Variants in AP1M1 observed in about 807,000 individuals in gnomAD.
The protein encoded by AP1M1 is AP-1 complex subunit mu-1.
AP1M1 carries 18 observed loss-of-function variants against 57.1 expected under a neutral mutation model. The observed-to-expected ratio is 0.32, with a 90% confidence interval of 0.22 to 0.47. The LOEUF (loss-of-function observed/expected upper bound fraction) is 0.47. Ranked by LOEUF, AP1M1 falls within the 20% of genes least tolerant of loss-of-function variation. The probability of loss-of-function intolerance (pLI) is 1.00; values close to 1 mark genes in which losing one functional copy is unlikely to be tolerated. For missense variants in AP1M1, 362 were observed against 593.5 expected (o/e 0.61, Z 4.05); for synonymous variants, 241 against 237.9 (o/e 1.01, Z -0.12).
chr19:16,232,527 G>C (rs1277399725), intron 9 of AP1M1, among the ~76,000 whole-genome samples: 1 of 152,230 alleles, frequency 6.6e-6, no homozygotes, highest in East Asian at 1.9e-4. Context: ...CTCGCTGCCT[G>C]CTTTACCAGT....
intron 5 of AP1M1, among the ~76,000 whole-genome samples, chr19:16,212,549 T>C (rs2091499809): frequency 6.6e-6 from 1 of 152,172 alleles, no homozygotes; most frequent in Non-Finnish European, 1.5e-5. Context: ...AAACACCAGC[T>C]CCTGGCTTAC....
At chr19:16,208,241 G>A in intron 4 of AP1M1, 92 bp downstream of exon 4, 2 of 1,396,326 alleles carry the variant, frequency 1.4e-6, no homozygotes, top group Non-Finnish European at 1.9e-6. Context: ...GCAAATTTGT[G>A]TTCATGTTGT....
At chr19:16,223,242 G>A (rs111668321) in intron 5 of AP1M1, among the ~76,000 whole-genome samples, 97 of 152,296 alleles carry the variant, frequency 6.4e-4, no homozygotes, top group Non-Finnish European at 1.1e-3. Context: ...TCTCCTGGGC[G>A]TGCACTGCCC....
At position 16,226,468 on chromosome 19, in the gene AP1M1, C is replaced by T; in HGVS notation, c.594C>T (p.Ile198=). ...NVLRSEIVGS[I]KMRVFLSGMP... is the part of the protein sequence containing the mutation. ...TGCGCAGCGAGATCGTGGGCTCCAT[C>T]AAGATGCGAGTCTTCCTCTCGGGCA... Residue 198 remains isoleucine (I), a synonymous_variant, in exon 6 of 12, where the codon ATC becomes ATT. Transcript: ENST00000291439. 6.3e-7 allele frequency: 1 copy of T among 1,578,812 alleles called. No homozygotes were observed.
intron 1 of AP1M1, among the ~76,000 whole-genome samples, chr19:16,200,559 C>T (rs927171576): frequency 2.0e-5 from 3 of 152,186 alleles, no homozygotes; most frequent in Non-Finnish European, 2.9e-5. Context: ...TCTTATTCCA[C>T]GACCCACGGA....
chr19:16,234,837 C>T lies in AP1M1; in HGVS notation c.*402C>T, dbSNP rs79527189. The T allele has an allele frequency of 0.01, 3,422 of 326,356 alleles. 79 individuals carry two copies. Among genetic ancestry groups the T allele is most frequent in the African/African-American group, 0.058 (2,774 of 47,878 alleles). 20.2% of individuals were successfully genotyped at this position (326,356 alleles called of 1,614,324 possible). A position where few individuals can be genotyped will look rare whatever the true frequency, so the allele number is the denominator to read the frequency against. ...AGCCTCGCCAGGCCAGCAGGGGCGT[C>T]GTTTTGTTGCCATTTTGTTGAACGT... On this transcript the variant is annotated 3_prime_UTR_variant, in exon 12 of 12. Coordinates refer to ENST00000291439, the MANE Select transcript of AP1M1 (RefSeq NM_032493.4).
At position 16,245,297 on chromosome 19, in the gene AP1M1, T is replaced by G. The variant is rs924443921; in HGVS notation, c.*10862T>G. The G allele has an allele frequency of 7.2e-5, 11 of 152,142 alleles. No homozygotes were observed. Among genetic ancestry groups the G allele is most frequent in the African/African-American group, 2.7e-4 (11 of 41,374 alleles). The allele number at this position is 152,142 out of a possible 1,614,324, so 9.4% of individuals were successfully genotyped here. ...TTGCTTTTCTTCTTTGTTTTGTTTT[T>G]TTGAGACAGAGTCTCACTCTGTCGC... On this transcript the variant is annotated 3_prime_UTR_variant, in exon 12 of 12. Transcript: ENST00000291439.
intron 5 of AP1M1, among the ~76,000 whole-genome samples, chr19:16,224,692 C>T (rs1323622066): frequency 1.3e-5 from 2 of 152,242 alleles, no homozygotes; most frequent in African/African-American, 4.8e-5. Context: ...CATTCACGAC[C>T]TCATGTGTTC....
rs1275179222 is a variant in AP1M1, at chr19:16,240,882, C to G, written c.*6447C>G. 6.6e-6 allele frequency: 1 copy of G among 152,202 alleles called. No homozygotes were observed. Among genetic ancestry groups the G allele is most frequent in the Non-Finnish European group, 1.5e-5 (1 of 68,040 alleles). The allele number at this position is 152,202 out of a possible 1,614,324, so 9.4% of individuals were successfully genotyped here. ...GACTCAGGGAAGATCCTAACAGCAA[C>G]ACTAAGAGATTAAAATGTCTCTCCA... On this transcript the variant is annotated 3_prime_UTR_variant, in exon 12 of 12. Coordinates refer to ENST00000291439, the MANE Select transcript of AP1M1 (RefSeq NM_032493.4).
rs1439286296 is a variant in AP1M1 at position 16,241,436 on chromosome 19, G to T, written c.*7001G>T. 9 of 152,126 alleles carry T rather than the reference G, an allele frequency of 5.9e-5. No homozygotes were observed. The highest frequency in any genetic ancestry group is 5.9e-4 in the Admixed American group (9 of 15,246). 9.4% of individuals were successfully genotyped at this position (152,126 alleles called of 1,614,324 possible). A position where few individuals can be genotyped will look rare whatever the true frequency, so the allele number is the denominator to read the frequency against. On this transcript the variant is annotated 3_prime_UTR_variant, in exon 12 of 12. Transcript: ENST00000291439. Reference sequence around the variant, plus strand: ...TGCCGGAAAACCTTAGAAACCATTGGATCTGTCTAAACTGTCATTGACTGT... The same window carrying T: ...TGCCGGAAAACCTTAGAAACCATTGTATCTGTCTAAACTGTCATTGACTGT...
intron 5 of AP1M1, among the ~76,000 whole-genome samples, chr19:16,214,869 C>G (rs1289339481): frequency 2.6e-5 from 4 of 152,024 alleles, no homozygotes; most frequent in Non-Finnish European, 5.9e-5. Flanking sequence ...TGGCCTCAGC[C>G]TACCAATTGG....
Position 16,234,715 on chromosome 19 carries a change from C to T in AP1M1, c.*280C>T. ...GTGAAATTTTTCCGTGTAGAGGTTA[C>T]AGCCTTTTATGCTGTTGAGCTCCCA... On this transcript the variant is annotated 3_prime_UTR_variant, in exon 12 of 12. Coordinates refer to ENST00000291439, the MANE Select transcript of AP1M1 (RefSeq NM_032493.4). 7.1e-6 allele frequency: 4 copies of T among 562,158 alleles called. No homozygotes were observed. Among genetic ancestry groups the T allele is most frequent in the South Asian group, 2.2e-5 (1 of 44,654 alleles). 34.8% of individuals were successfully genotyped at this position (562,158 alleles called of 1,614,324 possible). A position where few individuals can be genotyped will look rare whatever the true frequency, so the allele number is the denominator to read the frequency against.
chr19:16,211,081 C>A (rs554388387), intron 5 of AP1M1, among the ~76,000 whole-genome samples: 1 of 143,362 alleles, frequency 7.0e-6, no homozygotes, highest in African/African-American at 2.5e-5. Flanking sequence ...TGTAGCTTAT[C>A]TTTTTATTCT....
In AP1M1 at chr19:16,244,131, A is replaced by T. The variant is rs2091654687; in HGVS notation, c.*9696A>T. The T allele has an allele frequency of 6.6e-6, 1 of 152,236 alleles. No homozygotes were observed. The allele number at this position is 152,236 out of a possible 1,614,324, so 9.4% of individuals were successfully genotyped here. On this transcript the variant is annotated 3_prime_UTR_variant, in exon 12 of 12. Transcript: ENST00000291439. The stretch of plus-strand genomic sequence containing the variant: ...CCAGAGGTAAAGACACATCACCTTC[A>T]GACATGACAACCAGACAGACAGACA...
intron 5 of AP1M1, among the ~76,000 whole-genome samples, chr19:16,223,616 C>T (rs919171556): frequency 6.6e-6 from 1 of 152,222 alleles, no homozygotes; most frequent in Non-Finnish European, 1.5e-5. Context: ...CCAGGAGAGT[C>T]AGGAGTTCCT....
At chr19:16,204,785 C>T (rs180882786) in intron 2 of AP1M1, among the ~76,000 whole-genome samples, 4 of 150,436 alleles carry the variant, frequency 2.7e-5, no homozygotes, top group Admixed American at 2.6e-4. Flanking sequence ...TAGATTTCAC[C>T]TGGCTCTGGA....
chr19:16,216,629 G>T (rs2091520256), intron 5 of AP1M1, among the ~76,000 whole-genome samples: 1 of 152,162 alleles, frequency 6.6e-6, no homozygotes, highest in Admixed American at 6.5e-5. Context: ...CCTATTTGAT[G>T]ACCCTGGGGG....
rs1291100011 is a variant in AP1M1, at chr19:16,207,453, C to G, written c.268-566C>G. On this transcript the variant is annotated intron_variant, in intron 3 of 11. Coordinates refer to ENST00000291439, the MANE Select transcript of AP1M1 (RefSeq NM_032493.4). This position sits in a 1 kb window ranked among gnomAD's most constrained non-coding sequence, Gnocchi z 4.2. ...CTGAAGCGCGCAGGGGTCAGCAGAT[C>G]AGAGAATGGGGGATGCGGGAAGGGG... Among the ~76,000 whole-genome samples, 2 of 152,024 alleles carry G rather than the reference C, an allele frequency of 1.3e-5. No individual in the cohort carries two copies. The highest frequency in any genetic ancestry group is 3.9e-4 in the East Asian group (2 of 5,186).
At chr19:16,208,986 G>A in intron 4 of AP1M1, 44 bp from the exon 5 acceptor site, 1 of 1,584,478 alleles carries the variant, frequency 6.3e-7, no homozygotes, top group Non-Finnish European at 8.6e-7. Flanking sequence ...CTGTGGCGTT[G>A]GTGCGGGTAC....
Sources: gnomAD v4.1 joint callset for allele counts (sites outside exome capture counted in the v4.1 genomes callset) on GRCh38, gnomAD v4.1.1 for gene constraint, Gnocchi (gnomAD v3.1) non-coding constraint, MANE v1.5 for transcripts, NCBI Gene and HGNC (gene_info 2026-07-23, HGNC 2026-07-21) for gene names.